Variants in GPC3 observed in about 807,000 individuals in gnomAD.
GPC3 encodes glypican 3.
A neutral mutation model predicts 34.4 loss-of-function variants in GPC3; 3 were observed. The observed-to-expected ratio is 0.09, with a 90% CI of 0.04 to 0.23. The LOEUF is 0.23. Ranked by LOEUF, GPC3 falls within the 10% of genes least tolerant of loss-of-function variation. The pLI is 1.00. For missense variants in GPC3, 351 were observed against 445.6 expected (o/e 0.79, Z 1.91); for synonymous variants, 177 against 174.0 (o/e 1.02, Z -0.13).
intron 3 of GPC3, among the ~76,000 whole-genome samples, chrX:133,726,062 T>C: frequency 8.9e-6 from 1 of 112,142 alleles, no homozygotes; most frequent in Non-Finnish European, 1.9e-5. Context: ...ACTCATTGCT[T>C]GGTGCTAAGA....
chrX:133,641,319 T>C (rs1308055326), intron 6 of GPC3, among the ~76,000 whole-genome samples: 1 of 108,942 alleles, frequency 9.2e-6, no homozygotes, highest in East Asian at 2.9e-4. Context: ...CTACTAAAAA[T>C]ACAGAAATTA....
intron 3 of GPC3, among the ~76,000 whole-genome samples, chrX:133,743,121 G>C (rs2071578769): frequency 1.8e-5 from 2 of 112,788 alleles, no homozygotes; most frequent in African/African-American, 6.4e-5. Context: ...GGACAAGGAA[G>C]GGAAAGGTAA....
intron 7 of GPC3, among the ~76,000 whole-genome samples, chrX:133,560,599 C>A (rs2069532764): frequency 9.0e-6 from 1 of 111,221 alleles, no homozygotes; most frequent in South Asian, 3.8e-4. Flanking sequence ...ATTAGCTGGG[C>A]GTGATGGCCC....
chrX:133,875,467 C>T lies in GPC3; in HGVS notation c.337+77583G>A, dbSNP rs752684478. On this transcript the variant is annotated intron_variant, in intron 2 of 7. Transcript: ENST00000370818. The stretch of plus-strand genomic sequence containing the variant: ...CCCCCGCCTGCCTTTTCAACTTTCT[C>T]TTCCACTATACTATTTCCTTTAAGG... Among the ~76,000 whole-genome samples the T allele has an allele frequency of 2.7e-5, 3 of 111,818 alleles. No homozygotes were observed. In the Admixed American group the frequency reaches 2.9e-4, roughly 11 times the overall value.
intron 3 of GPC3, among the ~76,000 whole-genome samples, chrX:133,739,786 G>C (rs2071547198): frequency 8.9e-6 from 1 of 112,335 alleles, no homozygotes; most frequent in Non-Finnish European, 1.9e-5. Context: ...CAAGGGGTGA[G>C]GTGGGAGGAT....
intron 2 of GPC3, among the ~76,000 whole-genome samples, chrX:133,936,209 T>TATAATAATAATA (rs58972441): frequency 1.1e-4 from 11 of 99,448 alleles, no homozygotes; most frequent in African/African-American, 3.7e-4. Flanking sequence ...AAACTTAAAG[T>TATAATAATAATA]ATAATAATAA....
intron 1 of GPC3, among the ~76,000 whole-genome samples, chrX:133,972,094 C>T (rs939425725): frequency 1.8e-5 from 2 of 111,402 alleles, no homozygotes; most frequent in African/African-American, 6.5e-5. Context: ...TTTTGAAGGC[C>T]AAAAAACCCT....
At chrX:133,605,914 A>T (rs977075946) in intron 6 of GPC3, among the ~76,000 whole-genome samples, 31 of 111,465 alleles carry the variant, frequency 2.8e-4, no homozygotes, top group African/African-American at 1.0e-3. Flanking sequence ...AAGAAGAGAG[A>T]CCTGCTAGAG....
chrX:133,867,133 G>C (rs1486163140), intron 2 of GPC3, among the ~76,000 whole-genome samples: 7 of 110,248 alleles, frequency 6.3e-5, no homozygotes, highest in African/African-American at 1.3e-4. Context: ...AGGTGGCGAA[G>C]GTTGCAGTGA....
intron 2 of GPC3, among the ~76,000 whole-genome samples, chrX:133,863,648 C>CTT (rs1165193952): frequency 1.1e-4 from 8 of 72,880 alleles, no homozygotes; most frequent in African/African-American, 2.5e-4. Context: ...AAAAATATTC[C>CTT]TTTTTTTTTT....
At chrX:133,853,184 T>A (rs1359693321) in intron 2 of GPC3, among the ~76,000 whole-genome samples, 1 of 111,408 alleles carries the variant, frequency 9.0e-6, no homozygotes, top group Non-Finnish European at 1.9e-5. Context: ...AGTTGTCCCA[T>A]CTGTAAAGTG....
chrX:133,826,334 A>C (rs906748248), intron 2 of GPC3, among the ~76,000 whole-genome samples: 1 of 112,050 alleles, frequency 8.9e-6, no homozygotes, highest in African/African-American at 3.2e-5. Flanking sequence ...CAAAAATATA[A>C]AGCAATATAA....
At chrX:133,906,181 C>A (rs1199680110) in intron 2 of GPC3, among the ~76,000 whole-genome samples, 1 of 111,541 alleles carries the variant, frequency 9.0e-6, no homozygotes, top group Non-Finnish European at 1.9e-5. Flanking sequence ...CTGCAGTGTT[C>A]TTTTTCTAAG....
At chrX:133,859,792 T>C (rs975029605) in intron 2 of GPC3, among the ~76,000 whole-genome samples, 1 of 111,873 alleles carries the variant, frequency 8.9e-6, no homozygotes, top group Non-Finnish European at 1.9e-5. Flanking sequence ...GTTTGTACTA[T>C]TATAAAGGCT....
At chrX:133,548,615 A>G (rs1014487023) in intron 7 of GPC3, among the ~76,000 whole-genome samples, 1 of 111,465 alleles carries the variant, frequency 9.0e-6, no homozygotes, top group Non-Finnish European at 1.9e-5. Flanking sequence ...AAGTTATTCC[A>G]TTTGGATTTG....
chrX:133,737,683 C>T, intron 3 of GPC3, among the ~76,000 whole-genome samples: 1 of 111,505 alleles, frequency 9.0e-6, no homozygotes, highest in African/African-American at 3.3e-5. Context: ...ACCCCTTTAG[C>T]TTGATTTCTT....
At chrX:133,691,280 C>T (rs926950384) in intron 5 of GPC3, among the ~76,000 whole-genome samples, 2 of 110,777 alleles carry the variant, frequency 1.8e-5, no homozygotes, top group Admixed American at 9.6e-5. Flanking sequence ...AGGTGGATCA[C>T]CCAAGATCAG....
chrX:133,845,152 G>C (rs1261713216), intron 2 of GPC3, among the ~76,000 whole-genome samples: 2 of 111,974 alleles, frequency 1.8e-5, no homozygotes, highest in South Asian at 3.7e-4. Flanking sequence ...GTCAGGAGAA[G>C]CACAAATGAC....
At chrX:133,755,584 G>A (rs185508273) in intron 2 of GPC3, among the ~76,000 whole-genome samples, 1 of 112,450 alleles carries the variant, frequency 8.9e-6, no homozygotes, top group East Asian at 2.8e-4. Flanking sequence ...AGGTTTTTGA[G>A]TATATGTGTA....
Sources: allele counts gnomAD v4.1 joint callset (sites outside exome capture counted in the v4.1 genomes callset), GRCh38; gene constraint gnomAD v4.1.1; transcripts MANE v1.5; gene names NCBI Gene and HGNC (gene_info 2026-07-23, HGNC 2026-07-21).